The following SYNE2 variants were observed in gnomAD, a reference collection of about 807,000 sequenced individuals.
SYNE2 encodes spectrin repeat containing nuclear envelope protein 2.
SYNE2 carries 431 observed loss-of-function variants against 856.3 expected under a neutral mutation model. The observed-to-expected ratio is 0.50, with a 90% confidence interval of 0.47 to 0.55. The LOEUF (loss-of-function observed/expected upper bound fraction) is 0.55, where lower values mean the gene tolerates loss of function less well. Among genes scored for constraint, SYNE2 ranks in the 20% least tolerant of loss-of-function variants. The pLI is 0.00. For synonymous variants in SYNE2, 2,923 were observed against 2,872.3 expected (o/e 1.02, Z -0.56); for missense variants, 8,129 against 8,023.2 (o/e 1.01, Z -0.50).
In SYNE2 at chr14:63,837,918, CAAAAAAAAAA is replaced by C. The variant is rs34952817; in HGVS notation, c.-304-14568_-304-14559del. On this transcript the variant is annotated intron_variant, in intron 1 of 23. Transcript: ENST00000674003. The stretch of plus-strand genomic sequence containing the variant: ...TGGATGACAAAGTGAGACTCTGTTT[CAAAAAAAAAA>C]AAAAAAAAAAAAAAGAGCAAAGTAT... Among the ~76,000 whole-genome samples the C allele has an allele frequency of 1.9e-4, 12 of 62,186 alleles. No homozygotes were observed. In the South Asian group the frequency reaches 4.8e-3, roughly 25 times the overall value. The allele number at this position is 62,186 out of a possible 152,430, so 40.8% of individuals were successfully genotyped here. A position where few individuals can be genotyped will look rare whatever the true frequency, so the allele number is the denominator to read the frequency against.
chr14:64,186,900 G>A (rs1363407112), intron 97 of SYNE2, among the ~76,000 whole-genome samples: 2 of 152,248 alleles, frequency 1.3e-5, no homozygotes, highest in African/African-American at 4.8e-5. Flanking sequence ...GTCCTAATCA[G>A]TGTATCAGAA....
intron 2 of SYNE2, among the ~76,000 whole-genome samples, chr14:63,926,707 C>T (rs1008769924): frequency 2.0e-5 from 3 of 152,202 alleles, no homozygotes; most frequent in African/African-American, 7.2e-5. Flanking sequence ...TCCCCATTTT[C>T]AAATAAGACT....
chr14:64,004,191 ATT>A lies in SYNE2; in HGVS notation c.4397+877_4397+878del, dbSNP rs35011962. On this transcript the variant is annotated intron_variant, in intron 30 of 115. Transcript: ENST00000555002. ...AGGCGCATGCCACCATGCCTGGCTA[ATT>A]TTTTTTTTTTTTTTTGTATTTTAGT... Among the ~76,000 whole-genome samples, 567 of 138,308 alleles carry A rather than the reference ATT, an allele frequency of 4.1e-3. 1 individual carries two copies. The highest frequency in any genetic ancestry group is 0.012 in the African/African-American group (440 of 36,914). The allele number at this position is 138,308 out of a possible 152,430, so 90.7% of individuals were successfully genotyped here. A position where few individuals can be genotyped will look rare whatever the true frequency, so the allele number is the denominator to read the frequency against.
rs1021264602 is a variant in SYNE2 at position 64,113,147 on chromosome 14, G to A, written c.12610-194G>A. On this transcript the variant is annotated intron_variant, in intron 65 of 115. Transcript: ENST00000555002. ...ACTGTACCTGCTTACTCGCAGATCG[G>A]CTGCTTGGAAACCTGTGGCACCAGG... The A allele has an allele frequency of 8.1e-6, 8 of 985,224 alleles. No homozygotes were observed. The East Asian group carries it at 7.9e-4, about 98-fold the overall frequency. The allele number at this position is 985,224 out of a possible 1,614,324, so 61.0% of individuals were successfully genotyped here. A position where few individuals can be genotyped will look rare whatever the true frequency, so the allele number is the denominator to read the frequency against.
chr14:63,896,395 C>A (rs1046349636), intron 1 of SYNE2, among the ~76,000 whole-genome samples: 2 of 152,208 alleles, frequency 1.3e-5, no homozygotes, highest in African/African-American at 4.8e-5. Context: ...AGGGGTAGAA[C>A]AATGCAGTTC....
intron 1 of SYNE2, among the ~76,000 whole-genome samples, chr14:63,858,702 AACAGTATT>A: frequency 6.6e-6 from 1 of 152,294 alleles, no homozygotes; most frequent in East Asian, 1.9e-4. Flanking sequence ...GTAATATTGT[AACAGTATT>A]GCCTCTTAAT....
chr14:64,152,179 A>AT (rs1250376586), intron 84 of SYNE2, among the ~76,000 whole-genome samples: 2 of 152,210 alleles, frequency 1.3e-5, no homozygotes, highest in Non-Finnish European at 2.9e-5. Context: ...TCGTGATTTT[A>AT]TTTGAGTTCT....
At chr14:63,761,973 T>A (rs1207484232) in exon 1 of SYNE2, 1 of 359,728 alleles carries the variant, frequency 2.8e-6, no homozygotes, top group Non-Finnish European at 5.8e-6. Context: ...GGGGACCCAG[T>A]GACAGCGTGA....
intron 1 of SYNE2, among the ~76,000 whole-genome samples, chr14:63,867,526 T>C (rs1165791722): frequency 6.6e-6 from 1 of 150,910 alleles, no homozygotes; most frequent in Non-Finnish European, 1.5e-5. Context: ...GGCTAAACCT[T>C]GTCTCTACTA....
At chr14:64,209,718 C>A in intron 102 of SYNE2, 140 bp downstream of exon 102, 1 of 1,299,126 alleles carries the variant, frequency 7.7e-7, no homozygotes, top group Non-Finnish European at 1.1e-6. Flanking sequence ...CTGCCCCCAG[C>A]TGCTGAGACA....
At chr14:64,013,498 A>G (rs139280958) in intron 32 of SYNE2, among the ~76,000 whole-genome samples, 1 of 152,264 alleles carries the variant, frequency 6.6e-6, no homozygotes, top group African/African-American at 2.4e-5. Context: ...CACCTTTTAT[A>G]GTCCCCAAGG....
chr14:64,123,858 A>G (rs144093929), intron 70 of SYNE2, among the ~76,000 whole-genome samples: 1,844 of 151,278 alleles, frequency 0.012, 15 homozygotes, highest in Middle Eastern at 0.027. Context: ...AAACTGAAAG[A>G]TTAATGATTT....
At chr14:64,184,075 C>T (rs2153743421) in intron 96 of SYNE2, among the ~76,000 whole-genome samples, 1 of 152,270 alleles carries the variant, frequency 6.6e-6, no homozygotes, top group South Asian at 2.1e-4. Flanking sequence ...AGTAAACTTC[C>T]ACAAGAGACC....
chr14:64,083,814 T>C (rs553089533), intron 57 of SYNE2, among the ~76,000 whole-genome samples: 220 of 152,372 alleles, frequency 1.4e-3, no homozygotes, highest in African/African-American at 5.0e-3. Flanking sequence ...CTACCTGGAT[T>C]GCATTTGTTA....
At chr14:64,089,288 C>A (rs1473155988) in intron 58 of SYNE2, among the ~76,000 whole-genome samples, 1 of 140,686 alleles carries the variant, frequency 7.1e-6, no homozygotes, top group East Asian at 2.2e-4. Flanking sequence ...ATCGCTTGAA[C>A]CTGGGAGGCG....
intron 1 of SYNE2, among the ~76,000 whole-genome samples, chr14:63,787,721 G>T (rs1887589966): frequency 1.3e-5 from 2 of 152,182 alleles, no homozygotes; most frequent in South Asian, 4.1e-4. Flanking sequence ...GGGCTTTTAT[G>T]GACCTCGGAG....
chr14:63,861,405 A>C (rs1054561055), intron 1 of SYNE2, among the ~76,000 whole-genome samples: 18 of 151,888 alleles, frequency 1.2e-4, no homozygotes, highest in African/African-American at 4.3e-4. Flanking sequence ...AGCCTCCCAA[A>C]GTGCTGGGAT....
intron 1 of SYNE2, among the ~76,000 whole-genome samples, chr14:63,884,210 A>G (rs2094929560): frequency 6.6e-6 from 1 of 152,236 alleles, no homozygotes; most frequent in South Asian, 2.1e-4. Flanking sequence ...TAGACTTAGC[A>G]GGCCAGCGCT....
At chr14:63,973,041 C>T (rs1032872179) in intron 11 of SYNE2, among the ~76,000 whole-genome samples, 1 of 149,584 alleles carries the variant, frequency 6.7e-6, no homozygotes, top group Non-Finnish European at 1.5e-5. Flanking sequence ...GATCAGTTGA[C>T]GTCAGGAGTT....
Sources: gnomAD v4.1 joint callset for allele counts (sites outside exome capture counted in the v4.1 genomes callset) on GRCh38, gnomAD v4.1.1 for gene constraint, MANE v1.5 for transcripts, NCBI Gene and HGNC (gene_info 2026-07-23, HGNC 2026-07-21) for gene names.